The following RNPEP variants were observed in gnomAD, a reference collection of about 807,000 sequenced individuals.
The protein encoded by RNPEP is aminopeptidase B.
A neutral mutation model predicts 70.1 loss-of-function variants in RNPEP; 57 were observed. That is an observed-to-expected ratio of 0.81 (90% CI 0.66 to 1.01). The LOEUF (loss-of-function observed/expected upper bound fraction) is 1.01. Ranked by LOEUF, RNPEP falls within the 50% of genes least tolerant of loss-of-function variation. RNPEP has a pLI of 0.00. For missense variants in RNPEP, 787 were observed against 852.4 expected (o/e 0.92, Z 0.96); for synonymous variants, 335 against 357.4 (o/e 0.94, Z 0.71).
In RNPEP at chr1:202,003,413, C is replaced by T. The variant is rs747733142; in HGVS notation, c.1603C>T (p.Leu535=). 2.5e-6 allele frequency: 4 copies of T among 1,614,134 alleles called. No homozygotes were observed. Among genetic ancestry groups the T allele is most frequent in the Admixed American group, 1.7e-5 (1 of 60,024 alleles). ...VAISPWKTYQ[L]VYFLDKILQK... is the part of the protein sequence containing the mutation. ...CATCTCTCCCTGGAAGACCTACCAG[C>T]TGGTCTACTTCCTGGATAAGATCCT... The change falls in exon 9 of 11, where the codon CTG becomes TTG. Residue 535 remains leucine (L), a synonymous_variant. Transcript: ENST00000295640.
chr1:202,001,242 C>T (rs777921285), intron 6 of RNPEP, 134 bp from the exon 7 acceptor site: 85 of 651,528 alleles, frequency 1.3e-4, no homozygotes, highest in Non-Finnish European at 2.2e-4. Context: ...TGGACACCTT[C>T]TTGGCCTTGC....
In RNPEP at chr1:201,996,155, T is replaced by C; in HGVS notation, c.746T>C (p.Val249Ala). The C allele has an allele frequency of 6.2e-7, 1 of 1,613,850 alleles. No individual in the cohort carries two copies. The highest frequency in any genetic ancestry group is 8.5e-7 in the Non-Finnish European group (1 of 1,179,748). ...VSAEVGPRSR[V>A]WAEPCLIDAA... The stretch of plus-strand genomic sequence containing the variant: ...TGCTCTCTTGTCTTTAGGAGCCGGG[T>C]GTGGGCTGAGCCCTGCCTGATTGAT... The change falls in exon 4 of 11, where the codon GTG becomes GCG. Residue 249 changes from valine (V) to alanine (A), a missense_variant. Coordinates refer to ENST00000295640, the MANE Select transcript of RNPEP (RefSeq NM_020216.4).
At chr1:201,988,247 G>T (rs1462794575) in intron 1 of RNPEP, among the ~76,000 whole-genome samples, 1 of 151,756 alleles carries the variant, frequency 6.6e-6, no homozygotes, top group African/African-American at 2.4e-5. Context: ...GTTGCTTGAG[G>T]CCAGGAGTTG....
At chr1:201,987,156 C>T (rs1301005874) in intron 1 of RNPEP, among the ~76,000 whole-genome samples, 1 of 152,122 alleles carries the variant, frequency 6.6e-6, no homozygotes, top group African/African-American at 2.4e-5. Context: ...CTGGAGCCTG[C>T]ATCTGTTTAT....
At chr1:201,991,058 G>A (rs189934772) in intron 3 of RNPEP, among the ~76,000 whole-genome samples, 21 of 152,244 alleles carry the variant, frequency 1.4e-4, no homozygotes, top group Admixed American at 9.8e-4. Context: ...TATTCCTTCC[G>A]TGATTAAATG....
In RNPEP at chr1:202,005,800, C is replaced by G. The variant is rs1684041570; in HGVS notation, c.*84C>G. 1 of 1,487,782 alleles carries G rather than the reference C, an allele frequency of 6.7e-7. No individual in the cohort carries two copies. The highest frequency in any genetic ancestry group is 1.4e-5 in the African/African-American group (1 of 72,318). 92.2% of individuals were successfully genotyped at this position (1,487,782 alleles called of 1,614,324 possible). ...TGTTCCCAAATTCCTGTTCCCTGAT[C>G]AACTTCCTGGAGTTTATATCCCCTC... is the stretch of plus-strand genomic sequence containing the variant. On this transcript the variant is annotated 3_prime_UTR_variant, in exon 11 of 11. Coordinates refer to ENST00000295640, the MANE Select transcript of RNPEP (RefSeq NM_020216.4).
rs34077790 is a variant in RNPEP, at chr1:201,994,833, ATT to A, written c.738-1289_738-1288del. Among the ~76,000 whole-genome samples, 246 of 85,208 alleles carry A rather than the reference ATT, an allele frequency of 2.9e-3. 1 individual carries two copies. Among genetic ancestry groups the A allele is most frequent in the East Asian group, 0.018 (51 of 2,890 alleles). 55.9% of individuals were successfully genotyped at this position (85,208 alleles called of 152,430 possible). A position where few individuals can be genotyped will look rare whatever the true frequency, so the allele number is the denominator to read the frequency against. On this transcript the variant is annotated intron_variant, in intron 3 of 10. Coordinates refer to ENST00000295640, the MANE Select transcript of RNPEP (RefSeq NM_020216.4). ...AGGCATACACTACCATGTCCTGCTAATTTTTTTTTTTTTTTTTTTTTTTTTTA... is the reference window on the plus strand; with the variant it reads ...AGGCATACACTACCATGTCCTGCTAATTTTTTTTTTTTTTTTTTTTTTTTA...
intron 1 of RNPEP, 28 bp downstream of exon 1, chr1:201,983,141 G>T: frequency 7.0e-7 from 1 of 1,435,910 alleles, no homozygotes. Context: ...TGCGCCCGCC[G>T]CTGCCTGCCT....
chr1:201,984,546 G>T (rs1174542041), intron 1 of RNPEP, among the ~76,000 whole-genome samples: 1 of 152,112 alleles, frequency 6.6e-6, no homozygotes, highest in African/African-American at 2.4e-5. Flanking sequence ...GGGCCCAAGA[G>T]ATTTTCCTTT....
chr1:202,001,591 C>T, intron 7 of RNPEP, 68 bp from the exon 8 acceptor site: 1 of 1,450,450 alleles, frequency 6.9e-7, no homozygotes, highest in Non-Finnish European at 9.7e-7. Flanking sequence ...GGAGGAGGAC[C>T]CAGGACACAG....
Position 202,003,455 on chromosome 1 carries a change from C to T in RNPEP, c.1645C>T (p.Pro549Ser), listed in dbSNP as rs1683917911. ...TAAGATCCTCCAGAAATCCCCTCTC[C>T]CTCCTGGTAAGAAAAAATGGTGAAC... is the stretch of plus-strand genomic sequence containing the variant. ...LDKILQKSPL[P>S]PGNVKKLGDT... The change falls in exon 9 of 11, where the codon CCT (proline) becomes TCT (serine). Residue 549 changes from proline to serine, a missense_variant. Pro to Ser is a moderately conservative substitution (Grantham distance 74, BLOSUM62 -1). Transcript: ENST00000295640. 1.9e-6 allele frequency: 3 copies of T among 1,610,568 alleles called. No homozygotes were observed. The highest frequency in any genetic ancestry group is 2.5e-6 in the Non-Finnish European group (3 of 1,177,320).
intron 8 of RNPEP, among the ~76,000 whole-genome samples, chr1:202,002,370 C>T (rs996885830): frequency 1.3e-5 from 2 of 152,206 alleles, no homozygotes; most frequent in African/African-American, 4.8e-5. Flanking sequence ...CCATGTTGGT[C>T]AGGCTGGTCT....
At chr1:202,002,047 C>G (rs1038040031) in intron 8 of RNPEP, among the ~76,000 whole-genome samples, 10 of 152,184 alleles carry the variant, frequency 6.6e-5, no homozygotes, top group Admixed American at 2.0e-4. Context: ...CCACTGCTGC[C>G]GCACCACTGC....
At chr1:202,003,504 T>G (rs770189268) in intron 9 of RNPEP, 43 bp downstream of exon 9, 92 of 1,399,042 alleles carry the variant, frequency 6.6e-5, no homozygotes, top group Non-Finnish European at 8.2e-5. Flanking sequence ...GTGCACAGCT[T>G]TATGTCAGGG....
rs1348330939 is a variant in RNPEP, at chr1:201,997,393, C to G, written c.929C>G (p.Pro310Arg). Residue 310 changes from proline to arginine, a missense_variant, in exon 5 of 11, where the codon CCC becomes CGC. Pro to Arg is a moderately radical substitution (Grantham distance 103). Transcript: ENST00000295640. Reference protein sequence around the residue: ...MENPCLTFVTPCLLAGDRSLA... With the variant: ...MENPCLTFVTRCLLAGDRSLA... ...AACCCTTGTCTGACCTTTGTCACCC[C>G]CTGCCTGCTAGCTGGGGACCGCTCC... 3 of 1,614,032 alleles carry G rather than the reference C, an allele frequency of 1.9e-6. No homozygotes were observed. Among genetic ancestry groups the G allele is most frequent in the Non-Finnish European group, 2.5e-6 (3 of 1,180,032 alleles).
intron 5 of RNPEP, 135 bp from the exon 6 acceptor site, chr1:201,999,767 A>G: frequency 1.5e-6 from 1 of 657,166 alleles, no homozygotes; most frequent in Non-Finnish European, 2.7e-6. Flanking sequence ...CAGGAGGGTA[A>G]TGTTATTAAG....
At chr1:201,993,152 G>T (rs1164462821) in intron 3 of RNPEP, among the ~76,000 whole-genome samples, 1 of 152,184 alleles carries the variant, frequency 6.6e-6, no homozygotes, top group Non-Finnish European at 1.5e-5. Context: ...CTTCCGGACT[G>T]CAACAAAGGT....
At chr1:202,004,231 T>C in intron 9 of RNPEP, 123 bp from the exon 10 acceptor site, 1 of 1,057,436 alleles carries the variant, frequency 9.5e-7, no homozygotes, top group Non-Finnish European at 1.4e-6. Context: ...TTTCGCCATA[T>C]TGGCCAGGCT....
chr1:202,005,759 T>G lies in RNPEP; in HGVS notation c.*43T>G, dbSNP rs773063330. 6.2e-7 allele frequency: 1 copy of G among 1,604,530 alleles called. No individual in the cohort carries two copies. The highest frequency in any genetic ancestry group is 8.5e-7 in the Non-Finnish European group (1 of 1,172,032). On this transcript the variant is annotated 3_prime_UTR_variant, in exon 11 of 11. Transcript: ENST00000295640. Reference sequence around the variant, plus strand: ...CCCTGCCTCTTCAGGCTCTCCAGGCTTTCAGAATAATTGTTTGTTCCCAAA... The same window carrying G: ...CCCTGCCTCTTCAGGCTCTCCAGGCGTTCAGAATAATTGTTTGTTCCCAAA...
Sources: allele counts gnomAD v4.1 joint callset (sites outside exome capture counted in the v4.1 genomes callset), GRCh38; gene constraint gnomAD v4.1.1; transcripts MANE v1.5; gene names NCBI Gene and HGNC (gene_info 2026-07-23, HGNC 2026-07-21).